GABRG2: variants seen among roughly 807,000 people sequenced by gnomAD.
The protein encoded by GABRG2 is gamma-aminobutyric acid type A receptor subunit gamma2, also known as gamma-aminobutyric acid receptor subunit gamma-2.
GABRG2 carries 16 observed loss-of-function variants against 56.4 expected under a neutral mutation model. The ratio of observed to expected loss-of-function variants is 0.28; its 90% confidence interval spans 0.19 to 0.43. The LOEUF (loss-of-function observed/expected upper bound fraction) is 0.43. Ranked by LOEUF, GABRG2 falls within the 20% of genes least tolerant of loss-of-function variation. GABRG2 has a pLI of 1.00. For synonymous variants in GABRG2, 208 were observed against 205.5 expected (o/e 1.01, Z -0.10); for missense variants, 327 against 582.7 (o/e 0.56, Z 4.52).
rs143295869 is a variant in GABRG2 at position 162,093,963 on chromosome 5, T to A, written c.243T>A (p.Leu81=). The A allele has an allele frequency of 3.3e-4, 539 of 1,613,140 alleles. No homozygotes were observed. Among genetic ancestry groups the A allele is most frequent in the Non-Finnish European group, 4.1e-4 (481 of 1,179,446 alleles). ...NNLLEGYDNK[L]RPDIGVKPTL... ...TGCTGGAAGGATATGACAATAAACT[T>A]CGGCCTGATATAGGAGGTTTGTTAA... Residue 81 remains leucine (L), a synonymous_variant, in exon 2 of 10, where the codon CTT becomes CTA. Coordinates refer to ENST00000639213, the MANE Select transcript of GABRG2 (RefSeq NM_198904.4).
rs967425253 is a variant in GABRG2, at chr5:162,153,854, C to T, written c.*486C>T. ...GAAAGCCTAGTCCAGAAATCTATTA[C>T]ACCTTTATCTCAAGATAGGAAGAAA... is the stretch of plus-strand genomic sequence containing the variant. On this transcript the variant is annotated 3_prime_UTR_variant, in exon 10 of 10. Transcript: ENST00000639213. 1 of 174,646 alleles carries T rather than the reference C, an allele frequency of 5.7e-6. No individual in the cohort carries two copies. The highest frequency in any genetic ancestry group is 2.4e-5 in the African/African-American group (1 of 41,724). 10.8% of individuals were successfully genotyped at this position (174,646 alleles called of 1,614,324 possible).
At chr5:162,068,218 G>T in intron 1 of GABRG2, 112 bp downstream of exon 1, 5 of 757,436 alleles carry the variant, frequency 6.6e-6, no homozygotes, top group South Asian at 2.9e-5. Context: ...AGGATGTGCG[G>T]CTTTACAATT....
At chr5:162,117,057 TG>T (rs1445890659) in intron 6 of GABRG2, among the ~76,000 whole-genome samples, 1 of 152,272 alleles carries the variant, frequency 6.6e-6, no homozygotes, top group African/African-American at 2.4e-5. Context: ...AAAAAGAGAT[TG>T]TTTTGGGTCA....
chr5:162,124,807 C>G (rs1294658998), intron 6 of GABRG2, among the ~76,000 whole-genome samples: 1 of 151,680 alleles, frequency 6.6e-6, no homozygotes, highest in Non-Finnish European at 1.5e-5. Context: ...CTAAATATTC[C>G]TAATAGCTAA....
At position 162,105,432 on chromosome 5, in the gene GABRG2, C is replaced by CTTTTTTTTTTT. The variant is rs533258756; in HGVS notation, c.769+1411_769+1421dup. Among the ~76,000 whole-genome samples, 948 of 104,014 alleles carry CTTTTTTTTTTT rather than the reference C, an allele frequency of 9.1e-3. 42 individuals carry two copies. Among genetic ancestry groups the CTTTTTTTTTTT allele is most frequent in the Non-Finnish European group, 0.011 (617 of 55,030 alleles). 68.2% of individuals were successfully genotyped at this position (104,014 alleles called of 152,430 possible). On this transcript the variant is annotated intron_variant, in intron 6 of 9. Transcript: ENST00000639213. ...GACCATCAAGTATTAGTAGAACAAT[C>CTTTTTTTTTTT]TTTTTTTTTTTTTTTGAGAAGGAGT...
At chr5:162,105,913 A>G (rs570986476) in intron 6 of GABRG2, among the ~76,000 whole-genome samples, 1 of 152,128 alleles carries the variant, frequency 6.6e-6, no homozygotes, top group African/African-American at 2.4e-5. Flanking sequence ...TCTGTTGTAT[A>G]TTCATATTTC....
Position 162,073,224 on chromosome 5 carries a change from TG to T in GABRG2, c.107+5119del, listed in dbSNP as rs567445130. The stretch of plus-strand genomic sequence containing the variant: ...TTACATTATGTTTTTTTGTTTTGAT[TG>T]AAAGGTCTAGACAGAAATGCTTAGC... On this transcript the variant is annotated intron_variant, in intron 1 of 9. Transcript: ENST00000639213. 1.6e-3 allele frequency among the ~76,000 whole-genome samples: 237 copies of T among 152,014 alleles called. 2 individuals are homozygous for T. The highest frequency in any genetic ancestry group is 1.6e-4 in the Non-Finnish European group (11 of 67,832).
intron 6 of GABRG2, among the ~76,000 whole-genome samples, chr5:162,118,204 G>GGTGTGTGT (rs3079259): frequency 1.1e-3 from 168 of 146,190 alleles, no homozygotes; most frequent in African/African-American, 3.8e-3. Flanking sequence ...AGGTTCTGAT[G>GGTGTGTGT]GTGTGTGTGT....
In GABRG2 at chr5:162,101,118, G is replaced by A. The variant is rs944670496; in HGVS notation, c.549-117G>A. 9.2e-6 allele frequency: 7 copies of A among 757,510 alleles called. No individual in the cohort carries two copies. In the African/African-American group the frequency reaches 1.0e-4, roughly 11 times the overall value. The allele number at this position is 757,510 out of a possible 1,614,324, so 46.9% of individuals were successfully genotyped here. On this transcript the variant is annotated intron_variant, in intron 4 of 9. Transcript: ENST00000639213. ...GGATTTCTTCATTGGGGATCACTCT[G>A]TGTTTTCAATCAGAATGTGAGATAT... is the stretch of plus-strand genomic sequence containing the variant.
At chr5:162,136,983 G>A (rs1764181397) in intron 6 of GABRG2, among the ~76,000 whole-genome samples, 1 of 152,100 alleles carries the variant, frequency 6.6e-6, no homozygotes, top group African/African-American at 2.4e-5. Flanking sequence ...TGGTTGGCAG[G>A]AGATATTGAA....
In GABRG2 at chr5:162,077,955, G is replaced by A. The variant is rs188702698; in HGVS notation, c.107+9849G>A. Among the ~76,000 whole-genome samples, 11 of 152,184 alleles carry A rather than the reference G, an allele frequency of 7.2e-5. No homozygotes were observed. In the East Asian group the frequency reaches 2.1e-3, roughly 29 times the overall value. ...GAGGAGGGAGGAAGGGAGTGGGAGAGAGGGCTTTCAAGATGAAAGCCATAG... is the reference window on the plus strand; with the variant it reads ...GAGGAGGGAGGAAGGGAGTGGGAGAAAGGGCTTTCAAGATGAAAGCCATAG... On this transcript the variant is annotated intron_variant, in intron 1 of 9. Coordinates refer to ENST00000639213, the MANE Select transcript of GABRG2 (RefSeq NM_198904.4).
intron 9 of GABRG2, chr5:162,152,641 T>C (rs1755564996): frequency 3.5e-6 from 1 of 288,374 alleles, no homozygotes; most frequent in African/African-American, 2.2e-5. Flanking sequence ...ATACATTTGC[T>C]CAGAGTAATG....
intron 9 of GABRG2, 72 bp from the exon 10 acceptor site, chr5:162,153,021 A>C: frequency 6.4e-7 from 1 of 1,565,492 alleles, no homozygotes; most frequent in South Asian, 1.1e-5. Context: ...CATTGGTGAC[A>C]TTGTGGAAAA....
intron 6 of GABRG2, among the ~76,000 whole-genome samples, chr5:162,126,638 T>C (rs1373917642): frequency 2.0e-5 from 3 of 151,928 alleles, no homozygotes; most frequent in African/African-American, 7.2e-5. Context: ...CACTTCACAC[T>C]CAATTCTCCG....
intron 1 of GABRG2, among the ~76,000 whole-genome samples, chr5:162,075,477 GA>G (rs925697678): frequency 2.6e-4 from 39 of 150,100 alleles, no homozygotes; most frequent in East Asian, 1.8e-3. Flanking sequence ...TAATTAATCA[GA>G]AAAAAAAATG....
At chr5:162,094,512 A>G in intron 2 of GABRG2, 1 of 161,010 alleles carries the variant, frequency 6.2e-6, no homozygotes, top group Admixed American at 6.0e-5. Flanking sequence ...TAGCTAGGAC[A>G]ACCCTTCTCA....
chr5:162,123,458 A>T (rs558386168), intron 6 of GABRG2, among the ~76,000 whole-genome samples: 16 of 152,024 alleles, frequency 1.1e-4, no homozygotes, highest in African/African-American at 3.9e-4. Context: ...ATGGAACTTG[A>T]TAAGCATTAA....
chr5:162,089,249 G>T (rs1381146038), intron 1 of GABRG2, among the ~76,000 whole-genome samples: 1 of 152,002 alleles, frequency 6.6e-6, no homozygotes, highest in Non-Finnish European at 1.5e-5. Flanking sequence ...TTAATTCTCG[G>T]GTAACATGAT....
At chr5:162,141,938 T>C (rs995664210) in intron 6 of GABRG2, among the ~76,000 whole-genome samples, 1 of 152,140 alleles carries the variant, frequency 6.6e-6, no homozygotes, top group African/African-American at 2.4e-5. Context: ...CTAAAAATGT[T>C]TCCTTCCATC....
Sources: allele counts gnomAD v4.1 joint callset (sites outside exome capture counted in the v4.1 genomes callset), GRCh38; gene constraint gnomAD v4.1.1; transcripts MANE v1.5; gene names NCBI Gene and HGNC (gene_info 2026-07-23, HGNC 2026-07-21).